The following IARS1 variants were observed in gnomAD, a reference collection of about 807,000 sequenced individuals.
IARS1 encodes isoleucyl-tRNA synthetase 1, also known as isoleucine--tRNA ligase, cytoplasmic.
A neutral mutation model predicts 168.2 loss-of-function variants in IARS1; 124 were observed. That is an observed-to-expected ratio of 0.74 (90% CI 0.64 to 0.86). The LOEUF (loss-of-function observed/expected upper bound fraction) is 0.86, where lower values mean the gene tolerates loss of function less well. IARS1 is among the 40% of genes least tolerant of loss of function. The pLI, the probability that IARS1 is intolerant of heterozygous loss-of-function variation, is 0.00. For missense variants in IARS1, 1,452 were observed against 1,515.8 expected, an observed-to-expected ratio of 0.96 and a Z score of 0.70; for synonymous variants, 532 against 529.4, an observed-to-expected ratio of 1.00 and a Z score of -0.07.
rs184291248 is a variant in IARS1, at chr9:92,291,404, C to T, written c.-7-1978G>A. Among the ~76,000 whole-genome samples the T allele has an allele frequency of 2.2e-3, 331 of 152,214 alleles. 1 individual carries two copies. The highest frequency in any genetic ancestry group is 7.3e-3 in the African/African-American group (303 of 41,540). On this transcript the variant is annotated intron_variant, in intron 1 of 33. Transcript: ENST00000443024. ...TAATCAAGTTATTGATTCAAGTTATCATTTAAAAAAAAGTCTGTGACAAGT... is the reference window on the plus strand; with the variant it reads ...TAATCAAGTTATTGATTCAAGTTATTATTTAAAAAAAAGTCTGTGACAAGT...
intron 19 of IARS1, 46 bp downstream of exon 19, chr9:92,258,808 C>CTGTGGAGACACGGCAGGTACA: frequency 6.5e-7 from 1 of 1,541,132 alleles, no homozygotes; most frequent in South Asian, 1.3e-5. Flanking sequence ...GAAGGGAGCG[C>CTGTGGAGACACGGCAGGTACA]TGTGGAGACA....
chr9:92,289,509 G>T, intron 1 of IARS1, 83 bp from the exon 2 acceptor site: 1 of 710,766 alleles, frequency 1.4e-6, no homozygotes. Flanking sequence ...GGGTGTACAT[G>T]ACACTATCCA....
rs970677736 is a variant in IARS1, at chr9:92,250,851, G to A, written c.2308-17C>T. 1 of 1,589,286 alleles carries A rather than the reference G, an allele frequency of 6.3e-7. No individual in the cohort carries two copies. Among genetic ancestry groups the A allele is most frequent in the Non-Finnish European group, 8.6e-7 (1 of 1,169,478 alleles). ...GTAGGGAGCCTGTATGAAGACACAG[G>A]ACATCATGTCAGTTATATGCAGTCA... On this transcript the variant is annotated splice_polypyrimidine_tract_variant and intron_variant, in intron 22 of 33. Coordinates refer to ENST00000443024, the MANE Select transcript of IARS1 (RefSeq NM_002161.6).
chr9:92,211,225 AC>A (rs1392713166), intron 33 of IARS1, among the ~76,000 whole-genome samples: 1 of 152,190 alleles, frequency 6.6e-6, no homozygotes, highest in Non-Finnish European at 1.5e-5. Flanking sequence ...AATCATGCCT[AC>A]AGAATGAAAC....
At position 92,264,903 on chromosome 9, in the gene IARS1, C is replaced by T. The variant is rs752172174; in HGVS notation, c.1700+26G>A. 9 of 1,580,552 alleles carry T rather than the reference C, an allele frequency of 5.7e-6. No individual in the cohort carries two copies. The East Asian group carries it at 1.1e-4, about 20-fold the overall frequency. On this transcript the variant is annotated intron_variant, in intron 16 of 33. Transcript: ENST00000443024. ...TAAATAAAATAAAATCAATAAAACA[C>T]GTGATGAAAGAACAAGGAGGCATAC...
chr9:92,240,587 T>G, intron 30 of IARS1: 1 of 664,272 alleles, frequency 1.5e-6, no homozygotes, highest in Non-Finnish European at 2.7e-6. Context: ...TGAGGCAGGA[T>G]CTTATTATGT....
rs879895020 is a variant in IARS1 at position 92,234,846 on chromosome 9, CT to C, written c.3284-5721del. 6.3e-3 allele frequency among the ~76,000 whole-genome samples: 890 copies of C among 141,870 alleles called. 2 individuals carry two copies. The highest frequency in any genetic ancestry group is 8.8e-3 in the African/African-American group (343 of 38,980). The allele number at this position is 141,870 out of a possible 152,430, so 93.1% of individuals were successfully genotyped here. A position where few individuals can be genotyped will look rare whatever the true frequency, so the allele number is the denominator to read the frequency against. On this transcript the variant is annotated intron_variant, in intron 30 of 33. Transcript: ENST00000443024. ...ACATCTTAAAACCAGGCAATATGAG[CT>C]TTTTTTTTTTTTTTGAGATGGAGTT...
In IARS1 at chr9:92,262,960, T is replaced by C. The variant is rs374373612; in HGVS notation, c.1787+9A>G. 9.3e-6 allele frequency: 15 copies of C among 1,608,970 alleles called. No individual in the cohort carries two copies. The highest frequency in any genetic ancestry group is 2.2e-5 in the East Asian group (1 of 44,860). On this transcript the variant is annotated intron_variant, in intron 17 of 33. Coordinates refer to ENST00000443024, the MANE Select transcript of IARS1 (RefSeq NM_002161.6). ...AGTTCCACCCGTCACTACAACAAAG[T>C]TGACCTACCTTGCCAGGACAAGCCC...
At chr9:92,249,409 T>C (rs1297993570) in intron 25 of IARS1, among the ~76,000 whole-genome samples, 2 of 152,060 alleles carry the variant, frequency 1.3e-5, no homozygotes, top group Non-Finnish European at 2.9e-5. Context: ...AAAAGTTAGC[T>C]GGGCATGGTG....
intron 30 of IARS1, among the ~76,000 whole-genome samples, chr9:92,239,029 G>T (rs933624412): frequency 1.3e-5 from 2 of 152,136 alleles, no homozygotes; most frequent in African/African-American, 4.8e-5. Context: ...ATGATGTTGA[G>T]GCCTTAGTGT....
intron 16 of IARS1, 59 bp from the exon 17 acceptor site, chr9:92,263,114 G>C: frequency 2.6e-6 from 3 of 1,143,578 alleles, no homozygotes; most frequent in Non-Finnish European, 3.9e-6. Flanking sequence ...GCATAAGAAA[G>C]AAACTGTATT....
At chr9:92,221,567 G>A (rs1055669851) in intron 33 of IARS1, among the ~76,000 whole-genome samples, 1 of 152,210 alleles carries the variant, frequency 6.6e-6, no homozygotes, top group African/African-American at 2.4e-5. Context: ...GAAACTCAGA[G>A]GGTAGGGTGA....
chr9:92,293,298 C>A, intron 1 of IARS1: 1 of 291,026 alleles, frequency 3.4e-6, no homozygotes, highest in African/African-American at 2.2e-5. Flanking sequence ...TACGGTACAT[C>A]AATAAAATAA....
At position 92,268,170 on chromosome 9, in the gene IARS1, TCA is replaced by T; in HGVS notation, c.1431+2_1431+3del. 6.3e-7 allele frequency: 1 copy of T among 1,574,844 alleles called. No individual in the cohort carries two copies. Among genetic ancestry groups the T allele is most frequent in the East Asian group, 2.3e-5 (1 of 43,092 alleles). On this transcript the variant is annotated splice_donor_variant and splice_donor_region_variant and intron_variant, in intron 14 of 33. Coordinates refer to ENST00000443024, the MANE Select transcript of IARS1 (RefSeq NM_002161.6). LOFTEE classifies it high-confidence loss of function. ...CAACACAAGGAAATACTGCCATGCCTCACCTCCTCAAAGTCATCGCTGACCCA... is the reference window on the plus strand; with the variant it reads ...CAACACAAGGAAATACTGCCATGCCTCCTCCTCAAAGTCATCGCTGACCCA...
At chr9:92,251,992 C>CAG in intron 21 of IARS1, 107 bp from the exon 22 acceptor site, 1 of 790,970 alleles carries the variant, frequency 1.3e-6, no homozygotes, top group Non-Finnish European at 2.1e-6. Flanking sequence ...ATGCAGCATA[C>CAG]AGACAAGACA....
intron 20 of IARS1, among the ~76,000 whole-genome samples, chr9:92,256,014 T>C (rs948424215): frequency 6.6e-6 from 1 of 150,756 alleles, no homozygotes; most frequent in Non-Finnish European, 1.5e-5. Context: ...ACATCTACTA[T>C]GTACCCATAA....
intron 19 of IARS1, among the ~76,000 whole-genome samples, chr9:92,257,178 T>C (rs1405537899): frequency 1.3e-5 from 2 of 152,166 alleles, no homozygotes; most frequent in African/African-American, 4.8e-5. Flanking sequence ...AAACTGAAAA[T>C]GAGTACTGGG....
At chr9:92,213,343 T>C (rs1465999479) in intron 33 of IARS1, among the ~76,000 whole-genome samples, 1 of 152,218 alleles carries the variant, frequency 6.6e-6, no homozygotes, top group Non-Finnish European at 1.5e-5. Context: ...AAAGGGTTAA[T>C]TTGAGTAAGT....
chr9:92,285,246 A>C (rs1372864922), intron 6 of IARS1, among the ~76,000 whole-genome samples: 1 of 152,196 alleles, frequency 6.6e-6, no homozygotes, highest in Non-Finnish European at 1.5e-5. Context: ...AACATGTCTA[A>C]ACACCTCAAT....
Sources: gnomAD v4.1 joint callset for allele counts (sites outside exome capture counted in the v4.1 genomes callset) on GRCh38, gnomAD v4.1.1 for gene constraint, MANE v1.5 for transcripts, NCBI Gene and HGNC (gene_info 2026-07-23, HGNC 2026-07-21) for gene names.